OSBPL7: variants seen among roughly 807,000 people sequenced by gnomAD.
OSBPL7 encodes oxysterol-binding protein-related protein 7.
OSBPL7 carries 66 observed loss-of-function variants against 115.8 expected under a neutral mutation model. The ratio of observed to expected loss-of-function variants is 0.57; its 90% confidence interval spans 0.47 to 0.70. The LOEUF is 0.70. Among genes scored for constraint, OSBPL7 ranks in the 30% least tolerant of loss-of-function variants. OSBPL7 has a pLI of 0.00. For synonymous variants in OSBPL7, 441 were observed against 439.2 expected, an observed-to-expected ratio of 1.00 and a Z score of -0.05; for missense variants, 902 against 1,125.5, an observed-to-expected ratio of 0.80 and a Z score of 2.84.
At chr17:47,815,416 C>T (rs2033183369) in intron 12 of OSBPL7, 64 bp from the exon 13 acceptor site, 2 of 1,594,848 alleles carry the variant, frequency 1.3e-6, no homozygotes, top group Admixed American at 1.8e-5. Context: ...AGCAGGGCAC[C>T]CGCTTGCCTG....
chr17:47,818,864 ACT>A, intron 5 of OSBPL7, 120 bp downstream of exon 5: 2 of 927,444 alleles, frequency 2.2e-6, no homozygotes, highest in Non-Finnish European at 3.3e-6. Flanking sequence ...ATGGAAACTT[ACT>A]TTTTGTCAAA....
At chr17:47,811,748 C>G (rs1388747529) in intron 16 of OSBPL7, among the ~76,000 whole-genome samples, 1 of 152,222 alleles carries the variant, frequency 6.6e-6, no homozygotes, top group African/African-American at 2.4e-5. Context: ...CTGATGCCCC[C>G]CAGGCTGCCC....
At position 47,816,371 on chromosome 17, in the gene OSBPL7, T is replaced by G; in HGVS notation, c.1023+17A>C. 1 of 1,492,108 alleles carries G rather than the reference T, an allele frequency of 6.7e-7. No homozygotes were observed. 92.4% of individuals were successfully genotyped at this position (1,492,108 alleles called of 1,614,324 possible). A position where few individuals can be genotyped will look rare whatever the true frequency, so the allele number is the denominator to read the frequency against. On this transcript the variant is annotated intron_variant, in intron 11 of 22. Transcript: ENST00000007414. This position sits in a 1 kb window ranked among gnomAD's most constrained non-coding sequence, Gnocchi z 5.8. ...AGCCCTCTCCCCGCACCAGTCACCCTGTCCCCCAGGCCTCACCCCCATTCT... is the reference window on the plus strand; with the variant it reads ...AGCCCTCTCCCCGCACCAGTCACCCGGTCCCCCAGGCCTCACCCCCATTCT...
intron 8 of OSBPL7, 113 bp downstream of exon 8, chr17:47,817,143 C>T (rs886892852): frequency 1.8e-5 from 15 of 852,526 alleles, no homozygotes; most frequent in East Asian, 2.6e-5. Context: ...GGAAACCAGG[C>T]GATGCATGGC....
rs762028171 is a variant in OSBPL7 at position 47,820,062 on chromosome 17, C to T, written c.110G>A (p.Arg37Gln). Residue 37 changes from arginine to glutamine, a missense_variant, in exon 3 of 23, where the codon CGG becomes CAG. Coordinates refer to ENST00000007414, the MANE Select transcript of OSBPL7 (RefSeq NM_145798.3). ...GACACCCTCTGTCCCCAGCCTGACC[C>T]GAGGCTCCTCCACCACCTCCCACAG... ...SELWEVVEEP[R>Q]VRLGTEGVMP... The T allele has an allele frequency of 3.7e-6, 6 of 1,612,500 alleles. No individual in the cohort carries two copies. Among genetic ancestry groups the T allele is most frequent in the South Asian group, 1.1e-5 (1 of 91,068 alleles).
intron 16 of OSBPL7, among the ~76,000 whole-genome samples, chr17:47,813,065 G>A (rs575811488): frequency 2.6e-4 from 40 of 152,264 alleles, no homozygotes; most frequent in African/African-American, 6.3e-4. Context: ...CCCCTAAAGC[G>A]TGAGCCCCCA....
Position 47,819,106 on chromosome 17 carries a change from G to A in OSBPL7, c.256-7C>T, listed in dbSNP as rs188653032. On this transcript the variant is annotated splice_region_variant and splice_polypyrimidine_tract_variant and intron_variant, in intron 4 of 22. Coordinates refer to ENST00000007414, the MANE Select transcript of OSBPL7 (RefSeq NM_145798.3). ...GGAGCTTCCCCTTGGTGATCTGGGGGTGAAGTGTTGGTAGAGGGAGAGGGG... is the reference window on the plus strand; with the variant it reads ...GGAGCTTCCCCTTGGTGATCTGGGGATGAAGTGTTGGTAGAGGGAGAGGGG... 4.1e-3 allele frequency: 6,577 copies of A among 1,612,010 alleles called. 23 individuals carry two copies. The highest frequency in any genetic ancestry group is 4.9e-3 in the Non-Finnish European group (5,737 of 1,178,124).
Position 47,816,614 on chromosome 17 carries a change from G to C in OSBPL7, c.877C>G (p.Pro293Ala), listed in dbSNP as rs1398547652. Reference protein sequence around the residue: ...RDSSGTRGLPPTDYAHLQRSF... With the variant: ...RDSSGTRGLPATDYAHLQRSF... The stretch of plus-strand genomic sequence containing the variant: ...CGCTGCAGGTGGGCATAGTCTGTGG[G>C]TGGCAGCCCACGGGTGCCCGAGGAG... Residue 293 changes from proline (P) to alanine (A), a missense_variant, in exon 10 of 23, where the codon CCC (proline) becomes GCC (alanine). Around this residue, in one of 3 missense-constraint regions of OSBPL7, gnomAD observed 667 missense variants for 788.7 expected, o/e 0.85. Coordinates refer to ENST00000007414, the MANE Select transcript of OSBPL7 (RefSeq NM_145798.3). This position sits in a 1 kb window ranked among gnomAD's most constrained non-coding sequence, Gnocchi z 5.8. 1 of 1,613,812 alleles carries C rather than the reference G, an allele frequency of 6.2e-7. No homozygotes were observed. Among genetic ancestry groups the C allele is most frequent in the African/African-American group, 1.3e-5 (1 of 75,032 alleles).
At position 47,809,063 on chromosome 17, in the gene OSBPL7, C is replaced by T; in HGVS notation, c.2170+13G>A. The T allele has an allele frequency of 6.2e-7, 1 of 1,613,926 alleles. No homozygotes were observed. The highest frequency in any genetic ancestry group is 8.5e-7 in the Non-Finnish European group (1 of 1,180,032). On this transcript the variant is annotated intron_variant, in intron 20 of 22. Coordinates refer to ENST00000007414, the MANE Select transcript of OSBPL7 (RefSeq NM_145798.3). Reference sequence around the variant, plus strand: ...TCCAGCCTCACCCAGCCCTCTGTGACCCCTCCACTTACTGGGTTTCCAGAT... The same window carrying T: ...TCCAGCCTCACCCAGCCCTCTGTGATCCCTCCACTTACTGGGTTTCCAGAT...
At chr17:47,809,540 C>T in intron 18 of OSBPL7, 62 bp from the exon 19 acceptor site, 4 of 1,568,708 alleles carry the variant, frequency 2.5e-6, no homozygotes, top group Non-Finnish European at 3.5e-6. Context: ...GAGTCAGGGG[C>T]CTCCTGTCTT....
At position 47,816,511 on chromosome 17, in the gene OSBPL7, T is replaced by C; in HGVS notation, c.929-29A>G. On this transcript the variant is annotated intron_variant, in intron 10 of 22. Coordinates refer to ENST00000007414, the MANE Select transcript of OSBPL7 (RefSeq NM_145798.3). This position sits in a 1 kb window ranked among gnomAD's most constrained non-coding sequence, Gnocchi z 5.8. ...CAGGGAGTGGGGCAGACCATCAGAGTCCTCGCTCGCTCCTGTCCGCTCCCC... is the reference window on the plus strand; with the variant it reads ...CAGGGAGTGGGGCAGACCATCAGAGCCCTCGCTCGCTCCTGTCCGCTCCCC... The C allele has an allele frequency of 6.4e-7, 1 of 1,561,904 alleles. No homozygotes were observed. The highest frequency in any genetic ancestry group is 8.7e-7 in the Non-Finnish European group (1 of 1,153,156).
chr17:47,809,514 G>T (rs1484424393), intron 18 of OSBPL7, 36 bp from the exon 19 acceptor site: 1 of 1,592,706 alleles, frequency 6.3e-7, no homozygotes. Context: ...CAGCTGGCTG[G>T]CCCCAGGGAA....
chr17:47,809,098 AC>A lies in OSBPL7; in HGVS notation c.2147del (p.Gly716ValfsTer28). ...HEGLYRGPTP[G>X]GQCIWKPNSM... The stretch of plus-strand genomic sequence containing the variant: ...TACTGGGTTTCCAGATGCACTGGCC[AC>A]CTGGCGTGGGTCCCCGGTACAGCCC... On this transcript the variant is annotated frameshift_variant, in exon 20 of 23. Transcript: ENST00000007414. LOFTEE classifies it high-confidence loss of function. 6.2e-7 allele frequency: 1 copy of A among 1,614,036 alleles called. No homozygotes were observed. The highest frequency in any genetic ancestry group is 8.5e-7 in the Non-Finnish European group (1 of 1,180,006).
chr17:47,810,654 T>G lies in OSBPL7; in HGVS notation c.1820A>C (p.Lys607Thr), dbSNP rs1369929631. 2 of 1,614,188 alleles carry G rather than the reference T, an allele frequency of 1.2e-6. No homozygotes were observed. Among genetic ancestry groups the G allele is most frequent in the South Asian group, 2.2e-5 (2 of 91,082 alleles). ...AATCTCCAGGGATTTGCCCCAGAAC[T>G]TGTTCTTCCACTTCATATCTGGAAT... is the stretch of plus-strand genomic sequence containing the variant. ...AFWQDMKWKN[K>T]FWGKSLEIVP... Residue 607 changes from lysine (K) to threonine (T), a missense_variant, in exon 18 of 23, where the codon AAG becomes ACG. Transcript: ENST00000007414.
Position 47,816,161 on chromosome 17 carries a change from C to T in OSBPL7, c.1065G>A (p.Leu355=), listed in dbSNP as rs1297004202. ...ASTGQRRLHS[L]STSSDTTADS... is the part of the protein sequence containing the mutation. ...CCGCCGTGGTGTCGGAGGAGGTGGACAGTGAGTGGAGGCGCCTCTGGCCAG... is the reference window on the plus strand; with the variant it reads ...CCGCCGTGGTGTCGGAGGAGGTGGATAGTGAGTGGAGGCGCCTCTGGCCAG... Residue 355 remains leucine, a synonymous_variant, in exon 12 of 23, where the codon CTG becomes CTA. Coordinates refer to ENST00000007414, the MANE Select transcript of OSBPL7 (RefSeq NM_145798.3). The surrounding 1 kb of genome is among the most constrained non-coding windows in gnomAD (Gnocchi z 5.8). 3 of 1,551,056 alleles carry T rather than the reference C, an allele frequency of 1.9e-6. No individual in the cohort carries two copies. The highest frequency in any genetic ancestry group is 1.2e-5 in the South Asian group (1 of 84,048).
intron 12 of OSBPL7, chr17:47,815,866 T>C (rs538968328): frequency 2.4e-4 from 106 of 449,908 alleles, no homozygotes; most frequent in African/African-American, 1.9e-3. Flanking sequence ...AGTTTTGTTA[T>C]GCTGAGGGTG....
intron 3 of OSBPL7, 50 bp downstream of exon 3, chr17:47,819,921 T>TGG: frequency 3.1e-5 from 42 of 1,343,746 alleles, no homozygotes; most frequent in Middle Eastern, 2.4e-4. Flanking sequence ...TGCCCCCCAT[T>TGG]CCCACCCCGC....
chr17:47,818,653 G>A (rs1264909606), intron 5 of OSBPL7, 37 bp from the exon 6 acceptor site: 19 of 1,548,468 alleles, frequency 1.2e-5, no homozygotes, highest in Non-Finnish European at 1.7e-5. Context: ...GCTATCTGAA[G>A]AGAGGGACCA....
chr17:47,817,265 G>A lies in OSBPL7; in HGVS notation c.693C>T (p.Pro231=). ...TACCCCTGGATCTTACCTGGTGTGT[G>A]GGGATAACAGGGGCTGAGGGGATTC... The part of the protein sequence containing the change: ...LHRIPSAPVI[P]THQASVTTER... The change falls in exon 8 of 23, where the codon CCC becomes CCT. Residue 231 remains proline (P), a synonymous_variant. Coordinates refer to ENST00000007414, the MANE Select transcript of OSBPL7 (RefSeq NM_145798.3). 1.9e-6 allele frequency: 3 copies of A among 1,594,302 alleles called. No homozygotes were observed. Among genetic ancestry groups the A allele is most frequent in the Non-Finnish European group, 1.7e-6 (2 of 1,174,884 alleles).
Sources: gnomAD v4.1 joint callset for allele counts (sites outside exome capture counted in the v4.1 genomes callset) on GRCh38, gnomAD v4.1.1 for gene constraint, gnomAD v4.1.1 regional missense constraint, Gnocchi (gnomAD v3.1) non-coding constraint, MANE v1.5 for transcripts, NCBI Gene and HGNC (gene_info 2026-07-23, HGNC 2026-07-21) for gene names.